CACNA1C: variants seen among roughly 807,000 people sequenced by gnomAD.
CACNA1C encodes voltage-dependent L-type calcium channel subunit alpha-1C.
Under a neutral mutation model 229.0 loss-of-function variants are expected in CACNA1C, and 30 were observed. The observed-to-expected ratio is 0.13, with a 90% CI of 0.10 to 0.18. The LOEUF (loss-of-function observed/expected upper bound fraction) is 0.18, where lower values mean the gene tolerates loss of function less well. Among genes scored for constraint, CACNA1C ranks in the 10% least tolerant of loss-of-function variants. The pLI, the probability that CACNA1C is intolerant of heterozygous loss-of-function variation, is 1.00. For missense variants in CACNA1C, 1,658 were observed against 2,845.0 expected (o/e 0.58, Z 9.49); for synonymous variants, 1,114 against 1,132.5 (o/e 0.98, Z 0.33).
Position 2,585,609 on chromosome 12 carries a change from G to A in CACNA1C, c.2460+113G>A. On this transcript the variant is annotated intron_variant, in intron 17 of 46. Transcript: ENST00000399655. The surrounding 1 kb of genome is among the most constrained non-coding windows in gnomAD (Gnocchi z 4.1). ...GAGGAGAGAAAGAAAGACACCCAGT[G>A]GAAAGAAAGCCAGTGGGGATGAACA... 7.6e-7 allele frequency: 1 copy of A among 1,309,900 alleles called. No individual in the cohort carries two copies. Among genetic ancestry groups the A allele is most frequent in the South Asian group, 1.5e-5 (1 of 64,662 alleles). 81.1% of individuals were successfully genotyped at this position (1,309,900 alleles called of 1,614,324 possible). A position where few individuals can be genotyped will look rare whatever the true frequency, so the allele number is the denominator to read the frequency against.
intron 3 of CACNA1C, among the ~76,000 whole-genome samples, chr12:2,415,275 T>C (rs914212394): frequency 6.6e-6 from 1 of 152,202 alleles, no homozygotes; most frequent in Admixed American, 6.5e-5. Flanking sequence ...TTTCTTCCAC[T>C]GTGAGTAGGC....
Position 2,625,415 on chromosome 12 carries a change from G to A in CACNA1C, c.3829-8882G>A, listed in dbSNP as rs144213862. Among the ~76,000 whole-genome samples the A allele has an allele frequency of 3.2e-3, 488 of 152,258 alleles. 2 individuals carry two copies. Among genetic ancestry groups the A allele is most frequent in the African/African-American group, 0.011 (438 of 41,524 alleles). ...AGAAGAGGGATTCCCAGACCTACAG[G>A]GTGCGTCGGCGATAACCCGACCCAC... is the stretch of plus-strand genomic sequence containing the variant. On this transcript the variant is annotated intron_variant, in intron 29 of 46. Transcript: ENST00000399655.
chr12:2,510,672 A>G (rs1379767253), intron 8 of CACNA1C, among the ~76,000 whole-genome samples: 1 of 152,176 alleles, frequency 6.6e-6, no homozygotes, highest in Non-Finnish European at 1.5e-5. Context: ...GGTGTTTTGT[A>G]ACCAGAACTT....
chr12:2,066,891 G>A (rs190245744), intron 1 of CACNA1C, among the ~76,000 whole-genome samples: 2 of 152,108 alleles, frequency 1.3e-5, no homozygotes, highest in African/African-American at 4.8e-5. Flanking sequence ...GGGCAGGGGT[G>A]CTGAATCCTG....
At chr12:2,050,348 G>A (rs2108634), upstream of CACNA1C, among the ~76,000 whole-genome samples, 26,711 of 152,126 alleles carry the variant, frequency 0.18, 2,971 homozygotes, top group East Asian at 0.47. Flanking sequence ...TTCCATATCT[G>A]TAAAATGGGG....
chr12:2,035,195 C>T (rs2048913814), intron 1 of CACNA1C, among the ~76,000 whole-genome samples: 1 of 152,266 alleles, frequency 6.6e-6, no homozygotes, highest in African/African-American at 2.4e-5. Context: ...GCACGTTCTC[C>T]TGCTGCTCCA....
intron 1 of CACNA1C, among the ~76,000 whole-genome samples, chr12:2,078,963 G>T (rs2064326492): frequency 6.6e-6 from 1 of 152,040 alleles, no homozygotes; most frequent in African/African-American, 2.4e-5. Context: ...AAAATGATGA[G>T]TTCATGTCCT....
At chr12:2,412,935 A>G (rs2098824609) in intron 3 of CACNA1C, among the ~76,000 whole-genome samples, 1 of 152,248 alleles carries the variant, frequency 6.6e-6, no homozygotes, top group Admixed American at 6.5e-5. Flanking sequence ...AACAATTCAA[A>G]ATGTAAGTAA....
intron 3 of CACNA1C, among the ~76,000 whole-genome samples, chr12:2,270,690 G>T (rs1424224461): frequency 6.6e-6 from 1 of 152,190 alleles, no homozygotes; most frequent in African/African-American, 2.4e-5. Context: ...CTCCCTTTCT[G>T]GTTTAAGCTT....
At position 2,679,673 on chromosome 12, in the gene CACNA1C, C is replaced by T. The variant is rs994776473; in HGVS notation, c.5321C>T (p.Ala1774Val). ...NANINNANNT[A>V]LGRLPRPAGY... The stretch of plus-strand genomic sequence containing the variant: ...AACATCAACAACGCCAACAACACCG[C>T]CCTGGGTCGCCTCCCTCGCCCCGCC... The change falls in exon 42 of 47, where the codon GCC (alanine) becomes GTC (valine). Residue 1774 changes from alanine (A) to valine (V), a missense_variant. Around this residue, in one of 20 missense-constraint regions of CACNA1C, gnomAD observed 590 missense variants for 700.8 expected, o/e 0.84. Coordinates refer to ENST00000399655, the MANE Select transcript of CACNA1C (RefSeq NM_000719.7). This position sits in a 1 kb window ranked among gnomAD's most constrained non-coding sequence, Gnocchi z 5.5. 3 of 1,613,512 alleles carry T rather than the reference C, an allele frequency of 1.9e-6. No individual in the cohort carries two copies. The Admixed American group carries it at 5.0e-5, about 27-fold the overall frequency.
chr12:2,618,213 A>G (rs915483456), intron 29 of CACNA1C, among the ~76,000 whole-genome samples: 3 of 152,220 alleles, frequency 2.0e-5, no homozygotes, highest in Admixed American at 2.0e-4. Context: ...CCCTCAGCAG[A>G]CAACTCAGCC....
At chr12:2,243,560 A>G (rs1462034409) in intron 3 of CACNA1C, among the ~76,000 whole-genome samples, 1 of 152,204 alleles carries the variant, frequency 6.6e-6, no homozygotes, top group Non-Finnish European at 1.5e-5. Flanking sequence ...GTATGAAATG[A>G]CATAGTGGAA....
intron 3 of CACNA1C, among the ~76,000 whole-genome samples, chr12:2,324,938 C>T (rs776016144): frequency 6.6e-6 from 1 of 151,996 alleles, no homozygotes; most frequent in Admixed American, 6.6e-5. Flanking sequence ...TGTTGCCTGG[C>T]GAGGAGTGAA....
At chr12:2,490,411 G>A (rs112754398) in intron 6 of CACNA1C, among the ~76,000 whole-genome samples, 2,139 of 152,236 alleles carry the variant, frequency 0.014, 49 homozygotes, top group African/African-American at 0.042. Flanking sequence ...TTTATTCTGC[G>A]AAAAAGCAAA....
At chr12:2,339,958 T>A (rs955814354) in intron 3 of CACNA1C, among the ~76,000 whole-genome samples, 19 of 152,288 alleles carry the variant, frequency 1.2e-4, no homozygotes, top group African/African-American at 4.3e-4. Context: ...TATATTTTTT[T>A]AAAAAAGAAT....
intron 3 of CACNA1C, among the ~76,000 whole-genome samples, chr12:2,371,160 T>G (rs1454726999): frequency 2.0e-5 from 3 of 152,144 alleles, no homozygotes; most frequent in African/African-American, 4.8e-5. Context: ...GAAGCAGAAC[T>G]AGATTTTGGG....
At chr12:2,498,194 C>T (rs1326449793) in intron 7 of CACNA1C, among the ~76,000 whole-genome samples, 5 of 152,238 alleles carry the variant, frequency 3.3e-5, no homozygotes, top group African/African-American at 7.2e-5. Context: ...CTGAATTCTG[C>T]TGATGACCTA....
intron 1 of CACNA1C, among the ~76,000 whole-genome samples, chr12:2,005,939 A>ATTT (rs1423145576): frequency 6.6e-6 from 1 of 152,250 alleles, no homozygotes; most frequent in Admixed American, 6.5e-5. Flanking sequence ...AACTCTATTA[A>ATTT]AATATCCATC....
intron 3 of CACNA1C, among the ~76,000 whole-genome samples, chr12:2,328,952 T>C (rs1342607516): frequency 1.3e-5 from 2 of 152,222 alleles, no homozygotes; most frequent in Non-Finnish European, 2.9e-5. Context: ...AATAATCAGG[T>C]GAAATTGAGT....
Sources: allele counts gnomAD v4.1 joint callset (sites outside exome capture counted in the v4.1 genomes callset), GRCh38; gene constraint gnomAD v4.1.1; regional missense constraint gnomAD v4.1.1; non-coding constraint Gnocchi (gnomAD v3.1); transcripts MANE v1.5; gene names NCBI Gene and HGNC (gene_info 2026-07-23, HGNC 2026-07-21).